ENTREP2: variants seen among roughly 807,000 people sequenced by gnomAD.
ENTREP2 encodes protein ENTREP2.
At chr15:29,176,293 C>T in the ENTREP2 span, among the ~76,000 whole-genome samples, 21 of 152,234 alleles carry the variant, frequency 1.4e-4, no homozygotes, top group South Asian at 2.7e-3. Context: ...TGGGGGGGCA[C>T]ATTCATTTGC....
At chr15:29,672,986 C>T in the ENTREP2 span, among the ~76,000 whole-genome samples, 7 of 151,988 alleles carry the variant, frequency 4.6e-5, no homozygotes, top group African/African-American at 7.3e-5. Flanking sequence ...GCTAAACAAG[C>T]GGTGGATTAT....
At chr15:29,299,747 A>G in the ENTREP2 span, among the ~76,000 whole-genome samples, 64 of 152,246 alleles carry the variant, frequency 4.2e-4, 2 homozygotes, top group African/African-American at 1.5e-3. Context: ...ATGAGGATGT[A>G]AGCTTCATGA....
the ENTREP2 span, among the ~76,000 whole-genome samples, chr15:29,608,672 T>G: frequency 1.3e-5 from 2 of 151,770 alleles, no homozygotes; most frequent in Non-Finnish European, 2.9e-5. Context: ...GGTTCGCCCA[T>G]TCTCCTGACT....
chr15:29,389,129 T>C, the ENTREP2 span, among the ~76,000 whole-genome samples: 31 of 143,276 alleles, frequency 2.2e-4, 1 homozygote, highest in Non-Finnish European at 4.6e-5. Context: ...AAAACAATAA[T>C]AATAATTAAA....
At chr15:29,211,839 T>C in the ENTREP2 span, among the ~76,000 whole-genome samples, 2 of 151,938 alleles carry the variant, frequency 1.3e-5, no homozygotes, top group Non-Finnish European at 2.9e-5. Flanking sequence ...CACTTGGTCA[T>C]GGTGGATTAT....
At chr15:29,671,546 G>C in the ENTREP2 span, among the ~76,000 whole-genome samples, 1 of 152,180 alleles carries the variant, frequency 6.6e-6, no homozygotes, top group Non-Finnish European at 1.5e-5. Flanking sequence ...GAACTGGCTG[G>C]TGCGGGAAAA....
chr15:29,189,051 A>G, the ENTREP2 span, among the ~76,000 whole-genome samples: 1 of 152,188 alleles, frequency 6.6e-6, no homozygotes, highest in South Asian at 2.1e-4. Context: ...TATCCTTTAT[A>G]ATCAACAAGG....
the ENTREP2 span, among the ~76,000 whole-genome samples, chr15:29,274,020 ATCTAT>A: frequency 2.0e-5 from 3 of 152,218 alleles, no homozygotes; most frequent in East Asian, 5.8e-4. Context: ...TCATATATAC[ATCTAT>A]TCTATTAATT....
chr15:29,243,409 G>T, the ENTREP2 span, among the ~76,000 whole-genome samples: 1 of 152,106 alleles, frequency 6.6e-6, no homozygotes, highest in East Asian at 1.9e-4. Context: ...CGATGATTAG[G>T]TTAAAGAGAA....
At chr15:29,630,808 C>A in the ENTREP2 span, among the ~76,000 whole-genome samples, 1 of 152,186 alleles carries the variant, frequency 6.6e-6, no homozygotes, top group Non-Finnish European at 1.5e-5. Context: ...CTGCCTCAGC[C>A]TCCCGAGTAG....
At chr15:29,391,081 G>A in the ENTREP2 span, among the ~76,000 whole-genome samples, 7 of 151,940 alleles carry the variant, frequency 4.6e-5, no homozygotes, top group East Asian at 1.9e-4. Flanking sequence ...TTCACCCTCC[G>A]TCAATTCTCC....
the ENTREP2 span, among the ~76,000 whole-genome samples, chr15:29,432,567 A>T: frequency 6.6e-6 from 1 of 152,168 alleles, no homozygotes. Context: ...CCAACACTGT[A>T]AGCTTTGCTG....
the ENTREP2 span, among the ~76,000 whole-genome samples, chr15:29,420,729 T>C: frequency 6.6e-6 from 1 of 152,214 alleles, no homozygotes; most frequent in Admixed American, 6.5e-5. Context: ...AGATAAGGAA[T>C]GGAAATTTGG....
the ENTREP2 span, among the ~76,000 whole-genome samples, chr15:29,595,183 G>A: frequency 6.6e-6 from 1 of 152,152 alleles, no homozygotes; most frequent in South Asian, 2.1e-4. Flanking sequence ...AACCTGGGAG[G>A]CGGAGGTTGC....
the ENTREP2 span, among the ~76,000 whole-genome samples, chr15:29,474,857 A>G: frequency 2.0e-5 from 3 of 152,098 alleles, no homozygotes; most frequent in Admixed American, 2.0e-4. Flanking sequence ...GCACCCGGCC[A>G]AGGTCATTTC....
the ENTREP2 span, among the ~76,000 whole-genome samples, chr15:29,577,796 C>A: frequency 2.0e-5 from 3 of 152,226 alleles, no homozygotes; most frequent in Admixed American, 2.0e-4. Context: ...ATGAACAAAC[C>A]ATGAACATTA....
chr15:29,306,533 T>A, the ENTREP2 span, among the ~76,000 whole-genome samples: 1 of 152,176 alleles, frequency 6.6e-6, no homozygotes, highest in East Asian at 1.9e-4. Flanking sequence ...ACTTTTATAA[T>A]TCAGCACATT....
the ENTREP2 span, among the ~76,000 whole-genome samples, chr15:29,149,207 T>C: frequency 6.6e-6 from 1 of 152,164 alleles, no homozygotes; most frequent in Non-Finnish European, 1.5e-5. Context: ...GCAACCGCCA[T>C]AGTTGTCTCA....
the ENTREP2 span, among the ~76,000 whole-genome samples, chr15:29,444,170 C>G: frequency 1.4e-5 from 1 of 71,550 alleles, no homozygotes; most frequent in East Asian, 4.7e-4. Flanking sequence ...GAAAGACAGA[C>G]AAAGAAAGAA....
Sources: gnomAD v4.1 joint callset for allele counts (sites outside exome capture counted in the v4.1 genomes callset) on GRCh38, gnomAD v4.1.1 for gene constraint, MANE v1.5 for transcripts, NCBI Gene and HGNC (gene_info 2026-07-23, HGNC 2026-07-21) for gene names.